The following SMC4 variants were observed in gnomAD, a reference collection of about 807,000 sequenced individuals.
SMC4 encodes structural maintenance of chromosomes protein 4.
In SMC4, 87 loss-of-function variants were observed where a neutral mutation model predicts 145.6. The ratio of observed to expected loss-of-function variants is 0.60; its 90% CI spans 0.50 to 0.71. The LOEUF is 0.71. SMC4 is among the 30% of genes least tolerant of loss of function. The pLI is 0.00. For missense variants in SMC4, 1,447 were observed against 1,537.1 expected (o/e 0.94, Z 0.98); for synonymous variants, 558 against 500.7 (o/e 1.11, Z -1.53).
rs777810414 is a variant in SMC4 at position 160,412,358 on chromosome 3, G to A, written c.885G>A (p.Lys295=). ...LNRVKMVEKE[K]DALEGEKNIA... ...GGGTAAAGATGGTGGAAAAGGAAAAGGATGCCTTAGAAGGAGAGAAAAACA... is the reference window on the plus strand; with the variant it reads ...GGGTAAAGATGGTGGAAAAGGAAAAAGATGCCTTAGAAGGAGAGAAAAACA... Residue 295 remains lysine, a synonymous_variant, in exon 7 of 24, where the codon AAG becomes AAA. Coordinates refer to ENST00000357388, the MANE Select transcript of SMC4 (RefSeq NM_001002800.3). 3 of 1,602,022 alleles carry A rather than the reference G, an allele frequency of 1.9e-6. No individual in the cohort carries two copies. Among genetic ancestry groups the A allele is most frequent in the Admixed American group, 3.3e-5 (2 of 59,892 alleles).
intron 10 of SMC4, 84 bp downstream of exon 10, chr3:160,416,499 C>A: frequency 3.5e-6 from 3 of 851,730 alleles, no homozygotes; most frequent in Non-Finnish European, 1.7e-6. Flanking sequence ...AATACTGAAA[C>A]CTGAACTGGT....
rs753739152 is a variant in SMC4 at position 160,417,799 on chromosome 3, A to G, written c.1514A>G (p.Glu505Gly). Residue 505 changes from glutamate (E) to glycine (G), a missense_variant, in exon 11 of 24, where the codon GAA (glutamate) becomes GGA (glycine). Physicochemically the swap from Glu to Gly is moderately conservative, Grantham distance 98. Coordinates refer to ENST00000357388, the MANE Select transcript of SMC4 (RefSeq NM_001002800.3). ...TCAAAGATGGATGTAGCCCAGTCAG[A>G]ACTTGATATCTATCTCAGTCGTCAT... ...ARSKMDVAQS[E>G]LDIYLSRHNT... 2 of 1,613,728 alleles carry G rather than the reference A, an allele frequency of 1.2e-6. No individual in the cohort carries two copies. The highest frequency in any genetic ancestry group is 1.7e-5 in the Admixed American group (1 of 60,008).
At chr3:160,414,863 T>C (rs762244264) in intron 9 of SMC4, among the ~76,000 whole-genome samples, 9 of 152,212 alleles carry the variant, frequency 5.9e-5, no homozygotes, top group Non-Finnish European at 1.0e-4. Flanking sequence ...CCATTGCTCC[T>C]AGCTTGACTT....
chr3:160,430,780 A>T (rs1182724199), intron 19 of SMC4, 37 bp downstream of exon 19: 3 of 1,578,484 alleles, frequency 1.9e-6, no homozygotes, highest in Admixed American at 3.9e-5. Context: ...AGATGGGATG[A>T]TACTGGAACC....
intron 11 of SMC4, among the ~76,000 whole-genome samples, chr3:160,418,208 AAAAG>A (rs1269044897): frequency 6.6e-6 from 1 of 152,224 alleles, no homozygotes; most frequent in Non-Finnish European, 1.5e-5. Context: ...TAATTTAAAC[AAAAG>A]AAAGTTTGTG....
chr3:160,412,217 A>C, intron 6 of SMC4, 109 bp from the exon 7 acceptor site: 1 of 1,416,958 alleles, frequency 7.1e-7, no homozygotes, highest in Non-Finnish European at 9.5e-7. Context: ...CTTAACATTT[A>C]AGATGAACAT....
chr3:160,426,074 C>T lies in SMC4; in HGVS notation c.2479C>T (p.Arg827Cys), dbSNP rs573812800. Residue 827 changes from arginine to cysteine, a missense_variant and splice_region_variant, in exon 17 of 24, where the codon CGT (arginine) becomes TGT (cysteine). Coordinates refer to ENST00000357388, the MANE Select transcript of SMC4 (RefSeq NM_001002800.3). ...TLEKFTASIQ[R>C]LIEQEEYLNV... The stretch of plus-strand genomic sequence containing the variant: ...CTTAAATGTTAAAACTTTTTTGTAG[C>T]GTTTAATAGAGCAAGAAGAATATTT... The T allele has an allele frequency of 1.1e-5, 18 of 1,582,714 alleles. No individual in the cohort carries two copies. Among genetic ancestry groups the T allele is most frequent in the Non-Finnish European group, 1.5e-5 (17 of 1,166,506 alleles).
At chr3:160,417,140 A>G (rs910998101) in intron 10 of SMC4, among the ~76,000 whole-genome samples, 5 of 152,156 alleles carry the variant, frequency 3.3e-5, no homozygotes, top group African/African-American at 9.7e-5. Context: ...TTAATGGATA[A>G]TGGTAATTGA....
chr3:160,432,242 A>AT (rs747795320), intron 21 of SMC4, 41 bp from the exon 22 acceptor site: 2 of 1,384,516 alleles, frequency 1.4e-6, no homozygotes, highest in Non-Finnish European at 2.0e-6. Flanking sequence ...ATCATATCAA[A>AT]TTTATCTGAA....
At position 160,428,792 on chromosome 3, in the gene SMC4, C is replaced by T; in HGVS notation, c.2645C>T (p.Ala882Val). The T allele has an allele frequency of 2.5e-6, 4 of 1,593,736 alleles. No homozygotes were observed. The highest frequency in any genetic ancestry group is 3.4e-6 in the Non-Finnish European group (4 of 1,175,168). Residue 882 changes from alanine (A) to valine (V), a missense_variant, in exon 18 of 24, where the codon GCT becomes GTT. Coordinates refer to ENST00000357388, the MANE Select transcript of SMC4 (RefSeq NM_001002800.3). Reference protein sequence around the residue: ...AVAEKAGKVEAEVKRLHNTIV... With the variant: ...AVAEKAGKVEVEVKRLHNTIV... Reference sequence around the variant, plus strand: ...GCTGAGAAAGCTGGTAAAGTAGAAGCTGAGGTTAAACGCTTACACAATACC... The same window carrying T: ...GCTGAGAAAGCTGGTAAAGTAGAAGTTGAGGTTAAACGCTTACACAATACC...
At chr3:160,419,952 TAAAA>T (rs77225256) in intron 12 of SMC4, among the ~76,000 whole-genome samples, 1 of 152,172 alleles carries the variant, frequency 6.6e-6, no homozygotes, top group Non-Finnish European at 1.5e-5. Flanking sequence ...AAATGAAAAT[TAAAA>T]AAAATTTTTT....
intron 17 of SMC4, among the ~76,000 whole-genome samples, chr3:160,427,385 G>A (rs1455916653): frequency 6.6e-6 from 1 of 152,172 alleles, no homozygotes; most frequent in Non-Finnish European, 1.5e-5. Flanking sequence ...AACCATTGTG[G>A]CTGGAATAAA....
rs145229766 is a variant in SMC4 at position 160,432,552 on chromosome 3, C to A, written c.3530+37C>A. ...TGCTGAGTTTATAATCCCACTGTTA[C>A]CTTTTTCTACATATTCTCCAAACTC... is the stretch of plus-strand genomic sequence containing the variant. On this transcript the variant is annotated intron_variant, in intron 22 of 23. Transcript: ENST00000357388. The A allele has an allele frequency of 3.7e-4, 468 of 1,257,990 alleles. 6 individuals are homozygous for A. The East Asian group carries it at 0.011, about 30-fold the overall frequency. 77.9% of individuals were successfully genotyped at this position (1,257,990 alleles called of 1,614,324 possible).
rs1559986414 is a variant in SMC4 at position 160,401,976 on chromosome 3, T to TC, written c.206dup (p.Pro70AlafsTer7). On this transcript the variant is annotated frameshift_variant, in exon 3 of 24. Coordinates refer to ENST00000357388, the MANE Select transcript of SMC4 (RefSeq NM_001002800.3). LOFTEE classifies it high-confidence loss of function. The stretch of plus-strand genomic sequence containing the variant: ...AAGAGATTTTGAACAGCATTCCTCC[T>TC]CCCCCGCCTCCAGCAATGACCAATG... 1 of 1,606,198 alleles carries TC rather than the reference T, an allele frequency of 6.2e-7. No individual in the cohort carries two copies. The highest frequency in any genetic ancestry group is 1.1e-5 in the South Asian group (1 of 89,704).
In SMC4 at chr3:160,434,759, A is replaced by AT. The variant is rs1396236172; in HGVS notation, c.*952dup. On this transcript the variant is annotated 3_prime_UTR_variant, in exon 24 of 24. Transcript: ENST00000357388. ...TTTTTGGAAGGACTTTCGGTATTGT[A>AT]TTAGAAGTCTGCCCTAGCTGTTAAA... 2 of 152,226 alleles carry AT rather than the reference A, an allele frequency of 1.3e-5. No homozygotes were observed. The highest frequency in any genetic ancestry group is 4.8e-5 in the African/African-American group (2 of 41,462). The allele number at this position is 152,226 out of a possible 1,614,324, so 9.4% of individuals were successfully genotyped here.
chr3:160,406,859 T>G (rs1457959720), intron 5 of SMC4, among the ~76,000 whole-genome samples: 1 of 152,208 alleles, frequency 6.6e-6, no homozygotes, highest in African/African-American at 2.4e-5. Context: ...CTGTAAGTAA[T>G]ATTAAGATGG....
At chr3:160,401,737 G>A (rs41272947) in intron 2 of SMC4, among the ~76,000 whole-genome samples, 178 bp from the exon 3 acceptor site, 86,768 of 151,960 alleles carry the variant, frequency 0.57, 25,522 homozygotes, top group African/African-American at 0.68. Flanking sequence ...AGTCACCCCC[G>A]TGAGTTTAAG....
intron 21 of SMC4, 97 bp downstream of exon 21, chr3:160,431,922 C>A: frequency 7.6e-7 from 1 of 1,307,686 alleles, no homozygotes; most frequent in Non-Finnish European, 1.1e-6. Flanking sequence ...ATGCTGTTGG[C>A]CGGGCGTGGT....
intron 8 of SMC4, 57 bp from the exon 9 acceptor site, chr3:160,414,307 TGTG>T: frequency 7.4e-7 from 1 of 1,352,294 alleles, no homozygotes; most frequent in East Asian, 2.3e-5. Flanking sequence ...AGGTAGGAAA[TGTG>T]GTTTTAAAAT....
Sources: allele counts gnomAD v4.1 joint callset (sites outside exome capture counted in the v4.1 genomes callset), GRCh38; gene constraint gnomAD v4.1.1; transcripts MANE v1.5; gene names NCBI Gene and HGNC (gene_info 2026-07-23, HGNC 2026-07-21).